IFI16: variants seen among roughly 807,000 people sequenced by gnomAD.
IFI16 encodes gamma-interferon-inducible protein 16.
In IFI16, 49 loss-of-function variants were observed where a neutral mutation model predicts 68.4. The ratio of observed to expected loss-of-function variants is 0.72; its 90% confidence interval spans 0.57 to 0.91. IFI16 has a LOEUF of 0.91. Among genes scored for constraint, IFI16 ranks in the 40% least tolerant of loss-of-function variants. The pLI, the probability that IFI16 is intolerant of heterozygous loss-of-function variation, is 0.00. For synonymous variants in IFI16, 307 were observed against 315.0 expected, an observed-to-expected ratio of 0.97 and a Z score of 0.27; for missense variants, 878 against 942.9, an observed-to-expected ratio of 0.93 and a Z score of 0.90.
upstream of IFI16, among the ~76,000 whole-genome samples, chr1:159,002,666 A>T (rs1404356529): frequency 6.6e-6 from 1 of 152,244 alleles, no homozygotes; most frequent in Non-Finnish European, 1.5e-5. Flanking sequence ...TTATTCTTTA[A>T]TGGCCAGCCT....
intron 7 of IFI16, among the ~76,000 whole-genome samples, chr1:159,038,893 AG>A (rs1654468783): frequency 6.6e-6 from 1 of 152,196 alleles, no homozygotes; most frequent in Admixed American, 6.5e-5. Flanking sequence ...CTGTGCTTTC[AG>A]GGAATGCTTC....
intron 8 of IFI16, among the ~76,000 whole-genome samples, chr1:159,048,991 A>T (rs1458056553): frequency 1.3e-5 from 2 of 151,184 alleles, no homozygotes; most frequent in East Asian, 3.9e-4. Flanking sequence ...TCCCTAAAGG[A>T]TGGAGATCTG....
Position 159,054,882 on chromosome 1 carries a change from C to G in IFI16, c.2339C>G (p.Ser780Ter), listed in dbSNP as rs1363028053. ...ILNPDSSMETSPDFFF is the reference protein window; with the variant it reads ...ILNPDSSMET ...AATCCTGATTCAAGTATGGAAACTT[C>G]ACCAGACTTTTTCTTCTAAAATCTG... The change falls in exon 12 of 12, where the codon TCA becomes TGA. Residue 780 changes from serine (S) to a stop codon, truncating the protein, a stop_gained. Transcript: ENST00000295809. LOFTEE classifies it low-confidence loss of function (END_TRUNC). 6.3e-7 allele frequency: 1 copy of G among 1,593,272 alleles called. No individual in the cohort carries two copies. The highest frequency in any genetic ancestry group is 8.6e-7 in the Non-Finnish European group (1 of 1,163,210).
rs1044859058 is a variant in IFI16, at chr1:159,053,583, G to T, written c.2136G>T (p.Gly712=). The change falls in exon 11 of 12, where the codon GGG becomes GGT. Residue 712 remains glycine (G), a synonymous_variant. Transcript: ENST00000295809. ...FTYYEIQDNT[G]KMEVVVHGRL... is the part of the protein sequence containing the mutation. ...ATTATGAAATACAAGATAATACAGGGAAGATGGAAGTGGTGGTGCATGGAC... is the reference window on the plus strand; with the variant it reads ...ATTATGAAATACAAGATAATACAGGTAAGATGGAAGTGGTGGTGCATGGAC... 6.8e-6 allele frequency: 11 copies of T among 1,613,486 alleles called. No homozygotes were observed. In the Admixed American group the frequency reaches 1.7e-4, roughly 24 times the overall value.
intron 7 of IFI16, among the ~76,000 whole-genome samples, chr1:159,035,110 T>C (rs72709518): frequency 0.037 from 5,580 of 152,330 alleles, 114 homozygotes; most frequent in Non-Finnish European, 0.046. Flanking sequence ...CCAGCCACCA[T>C]GTACACATCC....
chr1:159,051,033 G>GTAA (rs1655324944), intron 9 of IFI16, among the ~76,000 whole-genome samples: 1 of 152,152 alleles, frequency 6.6e-6, no homozygotes, highest in Non-Finnish European at 1.5e-5. Context: ...CTGAATGCTA[G>GTAA]TAATATGATT....
intron 7 of IFI16, among the ~76,000 whole-genome samples, chr1:159,043,092 T>A (rs1048742502): frequency 8.5e-5 from 13 of 152,160 alleles, no homozygotes; most frequent in African/African-American, 3.1e-4. Context: ...ACATGTGGGT[T>A]TTCTCAATTT....
At chr1:159,030,152 A>ATT (rs200664645) in intron 6 of IFI16, among the ~76,000 whole-genome samples, 2 of 135,774 alleles carry the variant, frequency 1.5e-5, no homozygotes, top group African/African-American at 6.7e-5. Flanking sequence ...AGAAGTTGTG[A>ATT]TTTTTTTTTA....
At chr1:159,035,745 C>T (rs547881847) in intron 7 of IFI16, among the ~76,000 whole-genome samples, 1 of 54,470 alleles carries the variant, frequency 1.8e-5, no homozygotes, top group South Asian at 1.0e-3. Flanking sequence ...ACAGGCTATT[C>T]TTATCATTGA....
chr1:159,017,715 C>T (rs1307937515), intron 4 of IFI16, among the ~76,000 whole-genome samples: 1 of 152,132 alleles, frequency 6.6e-6, no homozygotes, highest in Non-Finnish European at 1.5e-5. Context: ...TCAAGTGATT[C>T]TCCTGCCTCA....
rs1325230092 is a variant in IFI16 at position 159,009,991 on chromosome 1, T to C, written c.-191T>C. On this transcript the variant is annotated 5_prime_UTR_variant, in exon 1 of 12. Transcript: ENST00000295809. ...ACTCAACCAAGGCCTTTTTTCCTTG[T>C]TATCTTTGCAGATACTTCATTTTCT... 1 of 152,204 alleles carries C rather than the reference T, an allele frequency of 6.6e-6. No homozygotes were observed. Among genetic ancestry groups the C allele is most frequent in the Non-Finnish European group, 1.5e-5 (1 of 68,046 alleles). 9.4% of individuals were successfully genotyped at this position (152,204 alleles called of 1,614,324 possible).
At chr1:159,005,620 A>C (rs1156557915), upstream of IFI16, among the ~76,000 whole-genome samples, 1 of 152,190 alleles carries the variant, frequency 6.6e-6, no homozygotes, top group Non-Finnish European at 1.5e-5. Context: ...TGCAATACAG[A>C]AACTACAAAA....
At chr1:159,036,596 A>G (rs1446988560) in intron 7 of IFI16, among the ~76,000 whole-genome samples, 1 of 152,218 alleles carries the variant, frequency 6.6e-6, no homozygotes, top group African/African-American at 2.4e-5. Flanking sequence ...ATATATTTAC[A>G]CATATTTAAA....
chr1:159,019,687 C>T (rs1275923181), intron 5 of IFI16, among the ~76,000 whole-genome samples: 2 of 152,110 alleles, frequency 1.3e-5, no homozygotes, highest in African/African-American at 2.4e-5. Flanking sequence ...TCTTGGTCTC[C>T]TGACCTCGTG....
At chr1:159,010,735 A>G (rs2101793321) in intron 1 of IFI16, among the ~76,000 whole-genome samples, 1 of 152,228 alleles carries the variant, frequency 6.6e-6, no homozygotes, top group South Asian at 2.1e-4. Context: ...CTTTAGCTCC[A>G]TTCTGCACCG....
intron 7 of IFI16, among the ~76,000 whole-genome samples, chr1:159,042,778 C>A (rs1296405379): frequency 1.3e-5 from 2 of 151,722 alleles, no homozygotes; most frequent in Non-Finnish European, 2.9e-5. Context: ...GAAGACAACA[C>A]AGGGGTGGGA....
intron 8 of IFI16, among the ~76,000 whole-genome samples, chr1:159,047,075 G>A (rs1207254018): frequency 6.7e-6 from 1 of 149,378 alleles, no homozygotes; most frequent in African/African-American, 2.5e-5. Context: ...GGCAGGGAAG[G>A]TATGGGCAGG....
intron 11 of IFI16, 60 bp from the exon 12 acceptor site, chr1:159,054,761 G>T: frequency 1.2e-6 from 1 of 828,626 alleles, no homozygotes; most frequent in Non-Finnish European, 2.0e-6. Flanking sequence ...GTGATTGAAG[G>T]GAGAAATGTA....
intron 7 of IFI16, among the ~76,000 whole-genome samples, chr1:159,035,736 C>A (rs1422634281): frequency 1.5e-5 from 2 of 129,348 alleles, no homozygotes; most frequent in Non-Finnish European, 3.2e-5. Flanking sequence ...TTAAAACAAA[C>A]AGGCTATTCT....
Sources: allele counts gnomAD v4.1 joint callset (sites outside exome capture counted in the v4.1 genomes callset), GRCh38; gene constraint gnomAD v4.1.1; transcripts MANE v1.5; gene names NCBI Gene and HGNC (gene_info 2026-07-23, HGNC 2026-07-21).